Variants in CCDC38 observed in about 807,000 individuals in gnomAD.
CCDC38 encodes coiled-coil domain containing 38.
CCDC38 carries 69 observed loss-of-function variants against 72.8 expected under a neutral mutation model. The ratio of observed to expected loss-of-function variants is 0.95; its 90% confidence interval spans 0.78 to 1.16. The LOEUF is 1.16. Among genes scored for constraint, CCDC38 ranks in the 50% most tolerant of loss-of-function variants. The pLI, the probability that CCDC38 is intolerant of heterozygous loss-of-function variation, is 0.00. For missense variants in CCDC38, 626 were observed against 638.9 expected (o/e 0.98, Z 0.22); for synonymous variants, 201 against 213.2 (o/e 0.94, Z 0.50).
At position 95,869,539 on chromosome 12, in the gene CCDC38, G is replaced by C; in HGVS notation, c.1519C>G (p.His507Asp). The part of the protein sequence containing the change: ...RDEKMKEKQR[H>D]QQERLKAALE... ...GCAGCTTTTAGCCTTTCCTGTTGGTGTCTTTGTTTTTCTTTCATTTTCTCA... is the reference window on the plus strand; with the variant it reads ...GCAGCTTTTAGCCTTTCCTGTTGGTCTCTTTGTTTTTCTTTCATTTTCTCA... Residue 507 changes from histidine to aspartate, a missense_variant, in exon 15 of 16, where the codon CAC (histidine) becomes GAC (aspartate). Transcript: ENST00000344280. 6.2e-7 allele frequency: 1 copy of C among 1,613,410 alleles called. No homozygotes were observed. Among genetic ancestry groups the C allele is most frequent in the South Asian group, 1.1e-5 (1 of 90,986 alleles).
intron 1 of CCDC38, among the ~76,000 whole-genome samples, chr12:95,937,215 C>A: frequency 6.6e-6 from 1 of 152,144 alleles, no homozygotes; most frequent in East Asian, 1.9e-4. Flanking sequence ...CAGTCTCTGA[C>A]CCTGTACTTG....
At position 95,898,738 on chromosome 12, in the gene CCDC38, G is replaced by A. The variant is rs201407957; in HGVS notation, c.370-7C>T. 1.3e-5 allele frequency: 21 copies of A among 1,612,022 alleles called. No individual in the cohort carries two copies. The highest frequency in any genetic ancestry group is 2.7e-5 in the African/African-American group (2 of 74,684). On this transcript the variant is annotated splice_polypyrimidine_tract_variant and splice_region_variant and intron_variant, in intron 5 of 15. Transcript: ENST00000344280. The stretch of plus-strand genomic sequence containing the variant: ...TTTTGGTTGACAAAGCATACTAGGG[G>A]CATTGAAGACAGAGGTGTAAAAACA...
At chr12:95,929,148 C>T (rs1302703178) in intron 2 of CCDC38, among the ~76,000 whole-genome samples, 1 of 152,222 alleles carries the variant, frequency 6.6e-6, no homozygotes, top group African/African-American at 2.4e-5. Context: ...CTCACTGCCA[C>T]CTTGCAGTTT....
chr12:95,919,542 A>G (rs1394889202), intron 2 of CCDC38: 2 of 456,102 alleles, frequency 4.4e-6, no homozygotes, highest in Admixed American at 2.3e-5. Context: ...AGTAGAATGC[A>G]GATAGCCTTG....
intron 13 of CCDC38, 42 bp from the exon 14 acceptor site, chr12:95,872,502 C>T: frequency 7.9e-7 from 1 of 1,264,126 alleles, no homozygotes; most frequent in Non-Finnish European, 1.2e-6. Flanking sequence ...TCACATTCCA[C>T]ATTCAATAAA....
At chr12:95,870,344 G>A (rs1378730185) in intron 14 of CCDC38, among the ~76,000 whole-genome samples, 1 of 152,120 alleles carries the variant, frequency 6.6e-6, no homozygotes, top group African/African-American at 2.4e-5. Flanking sequence ...AGTAATCTGT[G>A]CAACTTATCA....
intron 4 of CCDC38, among the ~76,000 whole-genome samples, chr12:95,910,657 T>G (rs1192553272): frequency 6.6e-6 from 1 of 151,366 alleles, no homozygotes; most frequent in Non-Finnish European, 1.5e-5. Context: ...AGGCCAGGAG[T>G]TCAAGACCAG....
intron 2 of CCDC38, chr12:95,919,474 C>G (rs1018896095): frequency 4.4e-6 from 2 of 453,198 alleles, no homozygotes; most frequent in Non-Finnish European, 8.9e-6. Flanking sequence ...CACAAGGACT[C>G]AAATATAGAA....
In CCDC38 at chr12:95,932,214, G is replaced by A. The variant is rs185722305; in HGVS notation, c.37+4259C>T. Among the ~76,000 whole-genome samples, 245 of 152,236 alleles carry A rather than the reference G, an allele frequency of 1.6e-3. No homozygotes were observed. In the Middle Eastern group the frequency reaches 0.017, roughly 11 times the overall value. ...GGAGTCAAGGATTGAGATCAGACTA[G>A]TTCAGGTAAGAGGTAATGGGCTCAG... is the stretch of plus-strand genomic sequence containing the variant. On this transcript the variant is annotated intron_variant, in intron 2 of 15. Transcript: ENST00000344280.
intron 4 of CCDC38, among the ~76,000 whole-genome samples, chr12:95,913,021 C>A (rs2080110828): frequency 6.6e-6 from 1 of 152,124 alleles, no homozygotes. Flanking sequence ...GTCATGATCA[C>A]ACCAATGCAT....
At chr12:95,888,002 T>C (rs941722637) in intron 10 of CCDC38, among the ~76,000 whole-genome samples, 2 of 152,204 alleles carry the variant, frequency 1.3e-5, no homozygotes, top group Admixed American at 1.3e-4. Flanking sequence ...CAACATATTT[T>C]CTTAAAGAAG....
intron 8 of CCDC38, among the ~76,000 whole-genome samples, chr12:95,893,557 C>T (rs1006120981): frequency 4.6e-5 from 7 of 151,726 alleles, no homozygotes; most frequent in Admixed American, 2.6e-4. Flanking sequence ...ATGCTCATAA[C>T]TCACTACAAC....
intron 13 of CCDC38, among the ~76,000 whole-genome samples, chr12:95,877,976 C>T (rs1051022492): frequency 1.3e-5 from 2 of 152,212 alleles, no homozygotes; most frequent in African/African-American, 4.8e-5. Context: ...CAATATCATG[C>T]ATTGCAAAAG....
intron 2 of CCDC38, chr12:95,933,653 G>A (rs147160789): frequency 2.6e-5 from 4 of 152,278 alleles, no homozygotes; most frequent in East Asian, 1.9e-4. Flanking sequence ...CTCAGCTAAC[G>A]TCAGATTCAG....
intron 4 of CCDC38, among the ~76,000 whole-genome samples, chr12:95,907,542 C>G: frequency 7.7e-6 from 1 of 129,870 alleles, no homozygotes; most frequent in African/African-American, 3.3e-5. Context: ...CAGAGGCGCC[C>G]CTCACCTCCC....
chr12:95,918,836 TC>T (rs534238539), intron 3 of CCDC38, 39 bp downstream of exon 3: 533 of 1,351,548 alleles, frequency 3.9e-4, no homozygotes, highest in Non-Finnish European at 5.4e-4. Context: ...TGGATATGAT[TC>T]TAACATTAAT....
intron 10 of CCDC38, among the ~76,000 whole-genome samples, chr12:95,883,708 C>G (rs1469849313): frequency 6.6e-6 from 1 of 152,190 alleles, no homozygotes. Flanking sequence ...GTCTTCCTCC[C>G]TAAATGGTAA....
intron 2 of CCDC38, among the ~76,000 whole-genome samples, chr12:95,924,781 A>G (rs201274451): frequency 0.085 from 12,530 of 147,232 alleles, 987 homozygotes; most frequent in East Asian, 0.45. Flanking sequence ...TCCCAGCACC[A>G]TTTATTAAAT....
Position 95,906,463 on chromosome 12 carries a change from G to C in CCDC38, c.305-12C>G. On this transcript the variant is annotated splice_polypyrimidine_tract_variant and intron_variant, in intron 4 of 15. Coordinates refer to ENST00000344280, the MANE Select transcript of CCDC38 (RefSeq NM_182496.3). ...TTTTGTGTCGGAACCTGTGAAGAAA[G>C]TTGAAATAGACTTAAGTTTAGTTCA... 1 of 1,599,322 alleles carries C rather than the reference G, an allele frequency of 6.3e-7. No individual in the cohort carries two copies. Among genetic ancestry groups the C allele is most frequent in the Non-Finnish European group, 8.6e-7 (1 of 1,167,710 alleles).
Sources: allele counts gnomAD v4.1 joint callset (sites outside exome capture counted in the v4.1 genomes callset), GRCh38; gene constraint gnomAD v4.1.1; transcripts MANE v1.5; gene names NCBI Gene and HGNC (gene_info 2026-07-23, HGNC 2026-07-21).